Variants in SNED1 observed in about 807,000 individuals in gnomAD.
The protein encoded by SNED1 is sushi, nidogen and EGF-like domain-containing protein 1.
Under a neutral mutation model 166.7 loss-of-function variants are expected in SNED1, and 81 were observed. That is an observed-to-expected ratio of 0.49 (90% CI 0.41 to 0.58). The LOEUF is 0.58. Among genes scored for constraint, SNED1 ranks in the 20% least tolerant of loss-of-function variants. The pLI, the probability that SNED1 is intolerant of heterozygous loss-of-function variation, is 0.00. For synonymous variants in SNED1, 762 were observed against 822.0 expected, an observed-to-expected ratio of 0.93 and a Z score of 1.25; for missense variants, 1,604 against 2,000.2, an observed-to-expected ratio of 0.80 and a Z score of 3.78.
At position 241,043,793 on chromosome 2, in the gene SNED1, G is replaced by A. The variant is rs796949663; in HGVS notation, c.1273+3380G>A. The stretch of plus-strand genomic sequence containing the variant: ...TCTATCACAACTCAACTCTACCATT[G>A]TAATGTGAAAGCAGCCAGCCATAGA... On this transcript the variant is annotated intron_variant, in intron 8 of 31. Transcript: ENST00000310397. Among the ~76,000 whole-genome samples, 7 of 152,298 alleles carry A rather than the reference G, an allele frequency of 4.6e-5. No individual in the cohort carries two copies. The South Asian group carries it at 1.5e-3, about 32-fold the overall frequency.
chr2:241,063,545 G>A lies in SNED1; in HGVS notation c.2372-42G>A, dbSNP rs1227928234. 5.7e-6 allele frequency: 8 copies of A among 1,401,454 alleles called. No individual in the cohort carries two copies. In the African/African-American group the frequency reaches 1.1e-4, roughly 20 times the overall value. 86.8% of individuals were successfully genotyped at this position (1,401,454 alleles called of 1,614,324 possible). A position where few individuals can be genotyped will look rare whatever the true frequency, so the allele number is the denominator to read the frequency against. ...ATCCTGGGGGCATGTGGGCGCCTCA[G>A]ACTTGAGCCAGCAACACCCTTGACA... On this transcript the variant is annotated intron_variant, in intron 17 of 31. Transcript: ENST00000310397.
chr2:241,045,761 A>G (rs1418118994), intron 8 of SNED1, among the ~76,000 whole-genome samples: 1 of 152,074 alleles, frequency 6.6e-6, no homozygotes, highest in Non-Finnish European at 1.5e-5. Context: ...GTGTTCTTAG[A>G]TAAGACAGCA....
chr2:241,070,017 T>C lies in SNED1; in HGVS notation c.3405T>C (p.Ala1135=). ...DAPTPGSLLE[A]YVINVTTSQS... is the part of the protein sequence containing the mutation. ...CGACTCCAGGCAGCTTGCTGGAGGC[T>C]TATGTCATCAATGTGACCACCAGCC... The change falls in exon 24 of 32, where the codon GCT becomes GCC. Residue 1135 remains alanine, a synonymous_variant. Coordinates refer to ENST00000310397, the MANE Select transcript of SNED1 (RefSeq NM_001080437.3). 6.2e-7 allele frequency: 1 copy of C among 1,612,980 alleles called. No homozygotes were observed. Among genetic ancestry groups the C allele is most frequent in the Non-Finnish European group, 8.5e-7 (1 of 1,179,878 alleles).
In SNED1 at chr2:241,069,052, A is replaced by T; in HGVS notation, c.3307+29A>T. 1 of 1,455,004 alleles carries T rather than the reference A, an allele frequency of 6.9e-7. No individual in the cohort carries two copies. Among genetic ancestry groups the T allele is most frequent in the Non-Finnish European group, 9.4e-7 (1 of 1,066,584 alleles). 90.1% of individuals were successfully genotyped at this position (1,455,004 alleles called of 1,614,324 possible). A position where few individuals can be genotyped will look rare whatever the true frequency, so the allele number is the denominator to read the frequency against. ...AGTAGAGCAGCGCGGCCCCCGGCAC[A>T]CGAAAGGCCGTCTTCTAGAAGCTCT... On this transcript the variant is annotated intron_variant, in intron 23 of 31. Coordinates refer to ENST00000310397, the MANE Select transcript of SNED1 (RefSeq NM_001080437.3). This position sits in a 1 kb window ranked among gnomAD's most constrained non-coding sequence, Gnocchi z 4.9.
chr2:241,000,217 G>T (rs1195191527), intron 1 of SNED1, among the ~76,000 whole-genome samples: 1 of 151,982 alleles, frequency 6.6e-6, no homozygotes, highest in African/African-American at 2.4e-5. Flanking sequence ...CATCCACAGG[G>T]CCTCCTCCAC....
chr2:241,037,878 C>T (rs2061421493), intron 6 of SNED1, among the ~76,000 whole-genome samples: 1 of 152,224 alleles, frequency 6.6e-6, no homozygotes, highest in African/African-American at 2.4e-5. Flanking sequence ...GGGGGTCTCA[C>T]AGCCTAGGTG....
chr2:241,082,661 G>A (rs2063384712), intron 29 of SNED1, among the ~76,000 whole-genome samples: 1 of 152,206 alleles, frequency 6.6e-6, no homozygotes, highest in African/African-American at 2.4e-5. Context: ...CCCACTGGAT[G>A]GCAGAGCCAA....
chr2:241,001,424 T>A (rs1161645134), intron 1 of SNED1, among the ~76,000 whole-genome samples: 2 of 152,254 alleles, frequency 1.3e-5, no homozygotes, highest in Non-Finnish European at 2.9e-5. Context: ...GACCCATTGT[T>A]TTGCTTCTTT....
intron 29 of SNED1, among the ~76,000 whole-genome samples, chr2:241,083,343 G>C (rs1438555734): frequency 6.6e-6 from 1 of 152,010 alleles, no homozygotes; most frequent in Non-Finnish European, 1.5e-5. Context: ...GGAACCCTCG[G>C]GGCCATGGAG....
chr2:241,048,548 G>A, intron 9 of SNED1, 108 bp downstream of exon 9: 1 of 1,493,758 alleles, frequency 6.7e-7, no homozygotes, highest in Middle Eastern at 2.1e-4. Flanking sequence ...ACGTGTGAGT[G>A]CGCGTCCACT....
At chr2:241,004,318 T>C (rs1276808095) in intron 1 of SNED1, among the ~76,000 whole-genome samples, 3 of 152,194 alleles carry the variant, frequency 2.0e-5, no homozygotes, top group Admixed American at 6.5e-5. Context: ...AGAAGTGTAG[T>C]ACTGATTTTT....
At chr2:241,081,627 G>A in intron 27 of SNED1, 50 bp from the exon 28 acceptor site, 2 of 1,345,694 alleles carry the variant, frequency 1.5e-6, no homozygotes, top group Non-Finnish European at 2.1e-6. Context: ...CCATGAGGCA[G>A]GCCTGTCCTG....
intron 8 of SNED1, among the ~76,000 whole-genome samples, chr2:241,046,828 G>A (rs374410980): frequency 6.6e-6 from 1 of 152,122 alleles, no homozygotes; most frequent in Non-Finnish European, 1.5e-5. Context: ...TTGAAAGCAC[G>A]TGAAGAAACT....
At chr2:241,001,281 A>G (rs2060070883) in intron 1 of SNED1, among the ~76,000 whole-genome samples, 1 of 152,226 alleles carries the variant, frequency 6.6e-6, no homozygotes, top group Admixed American at 6.5e-5. Flanking sequence ...CACTGCCTGC[A>G]AGTCACAGGT....
At chr2:241,026,497 T>G (rs766811316) in intron 1 of SNED1, among the ~76,000 whole-genome samples, 1 of 152,218 alleles carries the variant, frequency 6.6e-6, no homozygotes, top group Non-Finnish European at 1.5e-5. Context: ...TCTTCTGTAT[T>G]CTCCATCTTT....
intron 29 of SNED1, chr2:241,087,172 T>C (rs1188872615): frequency 2.1e-5 from 11 of 524,762 alleles, no homozygotes; most frequent in African/African-American, 3.9e-5. Flanking sequence ...AATGGGTTTA[T>C]TTTATGCATA....
intron 27 of SNED1, among the ~76,000 whole-genome samples, chr2:241,079,328 C>T (rs1445765504): frequency 6.6e-6 from 1 of 150,824 alleles, no homozygotes; most frequent in African/African-American, 2.4e-5. Context: ...AGGAGAATGG[C>T]ATGAACCCAG....
intron 12 of SNED1, among the ~76,000 whole-genome samples, chr2:241,050,960 CA>C (rs1271432151): frequency 2.6e-5 from 4 of 152,230 alleles, no homozygotes; most frequent in Non-Finnish European, 5.9e-5. Context: ...CTTCCGTGAG[CA>C]CACAGGCCAC....
At chr2:241,023,954 A>C in intron 1 of SNED1, among the ~76,000 whole-genome samples, 1 of 128,252 alleles carries the variant, frequency 7.8e-6, no homozygotes. Context: ...CAGTGACGGA[A>C]TCTCTGCTGC....
Sources: allele counts gnomAD v4.1 joint callset (sites outside exome capture counted in the v4.1 genomes callset), GRCh38; gene constraint gnomAD v4.1.1; non-coding constraint Gnocchi (gnomAD v3.1); transcripts MANE v1.5; gene names NCBI Gene and HGNC (gene_info 2026-07-23, HGNC 2026-07-21).